PZP: variants seen among roughly 807,000 people sequenced by gnomAD.
PZP encodes the protein PZP alpha-2-macroglobulin like.
In PZP, 150 loss-of-function variants were observed where a neutral mutation model predicts 179.8. The observed-to-expected ratio is 0.83, with a 90% CI of 0.73 to 0.96. The LOEUF (loss-of-function observed/expected upper bound fraction) is 0.96, where lower values mean the gene tolerates loss of function less well. Among genes scored for constraint, PZP ranks in the 40% least tolerant of loss-of-function variants. The pLI, the probability that PZP is intolerant of heterozygous loss-of-function variation, is 0.00. For synonymous variants in PZP, 624 were observed against 652.3 expected (o/e 0.96, Z 0.66); for missense variants, 1,689 against 1,764.0 (o/e 0.96, Z 0.76).
chr12:9,203,271 A>T (rs756908404), intron 2 of PZP, among the ~76,000 whole-genome samples: 64 of 151,502 alleles, frequency 4.2e-4, no homozygotes, highest in African/African-American at 1.5e-3. Flanking sequence ...CTGGTAAAAA[A>T]TGCTTTGTTC....
chr12:9,171,977 A>G (rs1942036869), intron 15 of PZP, among the ~76,000 whole-genome samples: 1 of 152,224 alleles, frequency 6.6e-6, no homozygotes, highest in South Asian at 2.1e-4. Context: ...ATTCAAATTC[A>G]GGAAATGCAG....
chr12:9,146,561 A>G (rs1333802638), downstream of PZP, among the ~76,000 whole-genome samples: 1 of 151,942 alleles, frequency 6.6e-6, no homozygotes, highest in Non-Finnish European at 1.5e-5. Flanking sequence ...CTAATTCTTC[A>G]TTTTCTTTGA....
chr12:9,192,429 A>G (rs1944928991), intron 12 of PZP, 83 bp downstream of exon 12: 2 of 1,362,666 alleles, frequency 1.5e-6, no homozygotes, highest in African/African-American at 2.9e-5. Flanking sequence ...GTGTGCAAGT[A>G]GTTTATTTTG....
Position 9,150,704 on chromosome 12 carries a change from C to T in PZP, c.4324G>A (p.Asp1442Asn), listed in dbSNP as rs1940290507. ...TLSFSFMVLQ[D>N]IPVGDLKPAI... ...GGCTTCAAGTCTCCTACTGGGATGTCTTGCAGAACCATGAAGGAAAAACTT... is the reference window on the plus strand; with the variant it reads ...GGCTTCAAGTCTCCTACTGGGATGTTTTGCAGAACCATGAAGGAAAAACTT... Residue 1442 changes from aspartate (D) to asparagine (N), a missense_variant, in exon 34 of 36, where the codon GAC (aspartate) becomes AAC (asparagine). By Grantham distance (23) the Asp-to-Asn change is conservative (BLOSUM62 1). Transcript: ENST00000261336. 3 of 1,613,126 alleles carry T rather than the reference C, an allele frequency of 1.9e-6. No homozygotes were observed. The East Asian group carries it at 6.7e-5, about 36-fold the overall frequency.
At chr12:9,196,732 A>C in intron 8 of PZP, 47 bp from the exon 9 acceptor site, 1 of 1,452,088 alleles carries the variant, frequency 6.9e-7, no homozygotes, top group Non-Finnish European at 9.7e-7. Flanking sequence ...ATTGAGATCA[A>C]TAGTCACTGA....
downstream of PZP, among the ~76,000 whole-genome samples, chr12:9,146,572 C>T (rs1940020489): frequency 6.6e-6 from 1 of 152,084 alleles, no homozygotes; most frequent in Non-Finnish European, 1.5e-5. Flanking sequence ...TTTTCTTTGA[C>T]TCTCTGTGTT....
rs756331801 is a variant in PZP, at chr12:9,165,170, G to A, written c.2456C>T (p.Thr819Met). The A allele has an allele frequency of 4.2e-5, 67 of 1,613,932 alleles. No individual in the cohort carries two copies. Among genetic ancestry groups the A allele is most frequent in the Non-Finnish European group, 5.4e-5 (64 of 1,179,948 alleles). The stretch of plus-strand genomic sequence containing the variant: ...GCATTTGGGAAGGTAGTTTAGGACC[G>A]TGGCCTTGAGTGTGAAGACCTCTCC... ...IRGEVFTLKA[T>M]VLNYLPKCIR... is the part of the protein sequence containing the mutation. The change falls in exon 19 of 36, where the codon ACG becomes ATG. Residue 819 changes from threonine to methionine, a missense_variant. Around this residue, in one of 3 missense-constraint regions of PZP, gnomAD observed 201 missense variants for 284.2 expected, o/e 0.71. Coordinates refer to ENST00000261336, the MANE Select transcript of PZP (RefSeq NM_002864.3).
rs777742450 is a variant in PZP at position 9,152,931 on chromosome 12, A to AAAG, written c.4013_4014insCTT (p.Ile1338_Leu1339insPhe). ...ATGGGGAGTCCTCTTTCTCTGGAAG[A>AAAG]ATATTGTATTTCATGGATGTCTGTG... On this transcript the variant is annotated inframe_insertion, in exon 31 of 36. Coordinates refer to ENST00000261336, the MANE Select transcript of PZP (RefSeq NM_002864.3). The AAAG allele has an allele frequency of 2.5e-6, 4 of 1,614,136 alleles. No homozygotes were observed. In the East Asian group the frequency reaches 8.9e-5, roughly 36 times the overall value.
At chr12:9,154,310 A>G (rs978586340) in intron 29 of PZP, among the ~76,000 whole-genome samples, 1 of 152,212 alleles carries the variant, frequency 6.6e-6, no homozygotes, top group Admixed American at 6.5e-5. Context: ...GTGGCTCGAA[A>G]TGTCAATAGT....
At chr12:9,137,209 G>T in the PZP span, among the ~76,000 whole-genome samples, 2 of 152,002 alleles carry the variant, frequency 1.3e-5, no homozygotes, top group South Asian at 4.2e-4. Flanking sequence ...TCTTGTGTAT[G>T]GTGTAAGATA....
rs151314973 is a variant in PZP, at chr12:9,153,262, C to T, written c.3856G>A (p.Val1286Ile). Reference protein sequence around the residue: ...TRTEKTAQVTVQDSQTFSTNF... With the variant: ...TRTEKTAQVTIQDSQTFSTNF... ...GTAGAAAAGGTCTGTGAATCCTGAA[C>T]GGTGACCTGTGCAGTTTTCTCAGTT... Residue 1286 changes from valine to isoleucine, a missense_variant, in exon 30 of 36, where the codon GTT becomes ATT. Coordinates refer to ENST00000261336, the MANE Select transcript of PZP (RefSeq NM_002864.3). 358 of 1,614,116 alleles carry T rather than the reference C, an allele frequency of 2.2e-4. No homozygotes were observed. Among genetic ancestry groups the T allele is most frequent in the African/African-American group, 1.4e-3 (108 of 75,046 alleles).
intron 15 of PZP, 24 bp from the exon 16 acceptor site, chr12:9,169,615 G>T (rs752618244): frequency 1.3e-6 from 2 of 1,556,284 alleles, no homozygotes; most frequent in Non-Finnish European, 8.7e-7. Flanking sequence ...GGGATCAAAG[G>T]CAGAACTGTT....
At chr12:9,196,903 G>C (rs1943807248) in intron 8 of PZP, 109 bp downstream of exon 8, 1 of 916,868 alleles carries the variant, frequency 1.1e-6, no homozygotes, top group African/African-American at 1.7e-5. Flanking sequence ...TTTTTTGGTG[G>C]GGGATATTTT....
chr12:9,169,622 T>G (rs764138638), intron 15 of PZP, 31 bp from the exon 16 acceptor site: 1 of 1,533,490 alleles, frequency 6.5e-7, no homozygotes, highest in African/African-American at 1.4e-5. Flanking sequence ...AAGGCAGAAC[T>G]GTTACTTACT....
chr12:9,173,085 C>G (rs1176065320), intron 15 of PZP, among the ~76,000 whole-genome samples: 1 of 152,242 alleles, frequency 6.6e-6, no homozygotes, highest in Non-Finnish European at 1.5e-5. Context: ...AAGTAAAACA[C>G]TCCTCAGCAA....
intron 25 of PZP, 118 bp from the exon 26 acceptor site, chr12:9,158,694 C>G: frequency 1.0e-6 from 1 of 963,500 alleles, no homozygotes; most frequent in Non-Finnish European, 1.4e-6. Flanking sequence ...TCAGCTGTTA[C>G]TGAGAGTTTG....
chr12:9,162,858 G>A (rs1941309473), intron 21 of PZP, among the ~76,000 whole-genome samples: 1 of 152,142 alleles, frequency 6.6e-6, no homozygotes, highest in African/African-American at 2.4e-5. Context: ...GTGGTTTGCT[G>A]CACAGATCAT....
chr12:9,160,561 GGCC>G, intron 23 of PZP, 71 bp from the exon 24 acceptor site: 1 of 1,406,954 alleles, frequency 7.1e-7, no homozygotes, highest in Non-Finnish European at 9.7e-7. Context: ...TAACAAAAAT[GGCC>G]TTTATATTCA....
chr12:9,195,278 C>T (rs572732410), intron 10 of PZP, among the ~76,000 whole-genome samples: 7 of 151,944 alleles, frequency 4.6e-5, no homozygotes, highest in Non-Finnish European at 5.9e-5. Flanking sequence ...ATTTGGTGTA[C>T]GATAATTATT....
Sources: allele counts gnomAD v4.1 joint callset (sites outside exome capture counted in the v4.1 genomes callset), GRCh38; gene constraint gnomAD v4.1.1; regional missense constraint gnomAD v4.1.1; transcripts MANE v1.5; gene names NCBI Gene and HGNC (gene_info 2026-07-23, HGNC 2026-07-21).